The following ZSWIM6 variants were observed in gnomAD, a reference collection of about 807,000 sequenced individuals.
ZSWIM6 encodes the protein zinc finger SWIM domain-containing protein 6.
ZSWIM6 carries 9 observed loss-of-function variants against 113.2 expected under a neutral mutation model. The observed-to-expected ratio is 0.08, with a 90% CI of 0.05 to 0.14. The LOEUF is 0.14. Ranked by LOEUF, ZSWIM6 falls within the 10% of genes least tolerant of loss-of-function variation. The probability of loss-of-function intolerance (pLI) is 1.00; values close to 1 mark genes in which losing one functional copy is unlikely to be tolerated. For missense variants in ZSWIM6, 1,162 were observed against 1,552.2 expected (o/e 0.75, Z 4.22); for synonymous variants, 611 against 606.5 (o/e 1.01, Z -0.11).
chr5:61,532,191 G>T (rs1402513006), intron 9 of ZSWIM6, among the ~76,000 whole-genome samples: 5 of 152,148 alleles, frequency 3.3e-5, no homozygotes, highest in African/African-American at 1.2e-4. Context: ...GCTAACAAAC[G>T]ACTGAGGGCT....
chr5:61,473,609 A>C (rs886734232), intron 2 of ZSWIM6, among the ~76,000 whole-genome samples: 4 of 152,284 alleles, frequency 2.6e-5, no homozygotes, highest in African/African-American at 9.6e-5. Context: ...TATTTTATGC[A>C]GTGCAAATAT....
At chr5:61,500,271 C>T (rs866609029) in intron 4 of ZSWIM6, among the ~76,000 whole-genome samples, 27 of 151,988 alleles carry the variant, frequency 1.8e-4, no homozygotes, top group Admixed American at 3.3e-4. Context: ...GGACTACAGG[C>T]GCTGGTTGCC....
intron 4 of ZSWIM6, among the ~76,000 whole-genome samples, chr5:61,511,893 C>A (rs1394530848): frequency 1.3e-5 from 2 of 152,112 alleles, no homozygotes; most frequent in East Asian, 3.9e-4. Context: ...ATGCCTCTAG[C>A]CTATAGTGGG....
intron 1 of ZSWIM6, among the ~76,000 whole-genome samples, chr5:61,415,528 G>A (rs1259152113): frequency 6.6e-6 from 1 of 151,182 alleles, no homozygotes; most frequent in Non-Finnish European, 1.5e-5. Flanking sequence ...GGAGTCACAG[G>A]TTGCAGTGAG....
chr5:61,349,345 T>C (rs779759167), intron 1 of ZSWIM6, among the ~76,000 whole-genome samples: 5 of 152,228 alleles, frequency 3.3e-5, no homozygotes, highest in Admixed American at 6.5e-5. Context: ...ATATGCATAG[T>C]AGACATTGAA....
intron 11 of ZSWIM6, 26 bp from the exon 12 acceptor site, chr5:61,539,570 G>A (rs750027620): frequency 3.2e-6 from 5 of 1,539,858 alleles, no homozygotes; most frequent in Non-Finnish European, 4.4e-6. Flanking sequence ...ATTTGGTTTG[G>A]TTTGGTTTTC....
chr5:61,511,703 C>T (rs1194704984), intron 4 of ZSWIM6, among the ~76,000 whole-genome samples: 3 of 152,130 alleles, frequency 2.0e-5, no homozygotes, highest in Non-Finnish European at 2.9e-5. Flanking sequence ...GTTGGACTTC[C>T]TACCCTCCAG....
At position 61,543,708 on chromosome 5, in the gene ZSWIM6, G is replaced by A. The variant is rs374621238; in HGVS notation, c.3039G>A (p.Ala1013=). 3.0e-4 allele frequency: 469 copies of A among 1,551,572 alleles called. 1 individual carries two copies. In the Middle Eastern group the frequency reaches 3.8e-3, roughly 13 times the overall value. The change falls in exon 14 of 14, where the codon GCG becomes GCA. Residue 1013 remains alanine, a synonymous_variant. Coordinates refer to ENST00000252744, the MANE Select transcript of ZSWIM6 (RefSeq NM_020928.2). This position sits in a 1 kb window ranked among gnomAD's most constrained non-coding sequence, Gnocchi z 4.3. ...AGGATCACATAGCTTTTGAGACGGC[G>A]TACCAAATTGTTCTCGACGCTGCTA... ...CEKDHIAFET[A]YQIVLDAATT...
At chr5:61,381,621 T>C (rs539899584) in intron 1 of ZSWIM6, among the ~76,000 whole-genome samples, 107 of 152,330 alleles carry the variant, frequency 7.0e-4, no homozygotes, top group Admixed American at 1.1e-3. Context: ...CTGTGACATG[T>C]GGCTACTTGG....
chr5:61,518,019 A>G (rs111870667), intron 4 of ZSWIM6, among the ~76,000 whole-genome samples: 16 of 140,040 alleles, frequency 1.1e-4, no homozygotes, highest in African/African-American at 4.3e-4. Flanking sequence ...ATTGCCATCT[A>G]TGAGTGAGAA....
At chr5:61,404,691 C>T (rs375948285) in intron 1 of ZSWIM6, among the ~76,000 whole-genome samples, 11 of 152,284 alleles carry the variant, frequency 7.2e-5, no homozygotes, top group East Asian at 1.9e-4. Context: ...GGGATTTCAC[C>T]GCCTCCTTTA....
intron 1 of ZSWIM6, among the ~76,000 whole-genome samples, chr5:61,405,077 C>T (rs1746018535): frequency 6.6e-6 from 1 of 152,318 alleles, no homozygotes; most frequent in South Asian, 2.1e-4. Flanking sequence ...GCCAGAGCTT[C>T]TAGGAGTGAG....
chr5:61,477,867 TGTTC>T (rs1747744957), intron 2 of ZSWIM6, among the ~76,000 whole-genome samples: 1 of 152,210 alleles, frequency 6.6e-6, no homozygotes, highest in Non-Finnish European at 1.5e-5. Flanking sequence ...TGACTGTCAT[TGTTC>T]GTTCTGTTTT....
intron 1 of ZSWIM6, among the ~76,000 whole-genome samples, chr5:61,386,029 A>G (rs376723125): frequency 9.9e-5 from 15 of 152,252 alleles, no homozygotes; most frequent in African/African-American, 3.1e-4. Flanking sequence ...CAATTGGACT[A>G]TGCTAAAGAT....
At chr5:61,393,888 T>G (rs970622730) in intron 1 of ZSWIM6, among the ~76,000 whole-genome samples, 1 of 152,188 alleles carries the variant, frequency 6.6e-6, no homozygotes, top group African/African-American at 2.4e-5. Context: ...ATGCGGCTTT[T>G]AATCTACAGG....
At chr5:61,495,808 T>C (rs1223068867) in intron 4 of ZSWIM6, among the ~76,000 whole-genome samples, 1 of 152,160 alleles carries the variant, frequency 6.6e-6, no homozygotes, top group Non-Finnish European at 1.5e-5. Flanking sequence ...TTAGATGCTT[T>C]ATAAAGTAAA....
chr5:61,543,559 G>A lies in ZSWIM6; in HGVS notation c.2890G>A (p.Val964Ile), dbSNP rs774718702. The A allele has an allele frequency of 9.2e-5, 143 of 1,551,526 alleles. 1 individual carries two copies. The highest frequency in any genetic ancestry group is 1.1e-4 in the Non-Finnish European group (131 of 1,146,986). ...ATTVMSNSTI[V>I]RLHLDCHQQE... is the part of the protein sequence containing the mutation. Reference sequence around the variant, plus strand: ...TACCGTGATGTCCAACAGCACCATCGTCCGCCTCCACCTGGACTGCCACCA... The same window carrying A: ...TACCGTGATGTCCAACAGCACCATCATCCGCCTCCACCTGGACTGCCACCA... Residue 964 changes from valine (V) to isoleucine (I), a missense_variant, in exon 14 of 14, where the codon GTC becomes ATC. Val to Ile is a conservative substitution (Grantham distance 29). This residue lies in a region of ZSWIM6 where 620 missense variants were observed against 804.6 expected (regional missense o/e 0.77). Coordinates refer to ENST00000252744, the MANE Select transcript of ZSWIM6 (RefSeq NM_020928.2). The surrounding 1 kb of genome is among the most constrained non-coding windows in gnomAD (Gnocchi z 4.3).
At chr5:61,385,344 G>C (rs1745572475) in intron 1 of ZSWIM6, among the ~76,000 whole-genome samples, 1 of 152,148 alleles carries the variant, frequency 6.6e-6, no homozygotes, top group African/African-American at 2.4e-5. Flanking sequence ...GAAATTCTCG[G>C]CTCACTCTTG....
At chr5:61,338,958 C>T (rs996178420) in intron 1 of ZSWIM6, among the ~76,000 whole-genome samples, 2 of 152,160 alleles carry the variant, frequency 1.3e-5, no homozygotes, top group African/African-American at 4.8e-5. Flanking sequence ...CTAAGTATGT[C>T]CTCACTGATT....
Sources: allele counts gnomAD v4.1 joint callset (sites outside exome capture counted in the v4.1 genomes callset), GRCh38; gene constraint gnomAD v4.1.1; regional missense constraint gnomAD v4.1.1; non-coding constraint Gnocchi (gnomAD v3.1); transcripts MANE v1.5; gene names NCBI Gene and HGNC (gene_info 2026-07-23, HGNC 2026-07-21).